Variants in SMYD3 observed in about 807,000 individuals in gnomAD.
SMYD3 encodes the protein SET and MYND domain containing 3.
Under a neutral mutation model 57.7 loss-of-function variants are expected in SMYD3, and 36 were observed. The ratio of observed to expected loss-of-function variants is 0.62; its 90% confidence interval spans 0.48 to 0.82. The LOEUF (loss-of-function observed/expected upper bound fraction) is 0.82, where lower values mean the gene tolerates loss of function less well. Ranked by LOEUF, SMYD3 falls within the 40% of genes least tolerant of loss-of-function variation. SMYD3 has a pLI of 0.00. For synonymous variants in SMYD3, 211 were observed against 195.0 expected, an observed-to-expected ratio of 1.08 and a Z score of -0.68; for missense variants, 515 against 538.8, an observed-to-expected ratio of 0.96 and a Z score of 0.44.
At chr1:246,010,150 A>AT (rs1451046819) in intron 5 of SMYD3, among the ~76,000 whole-genome samples, 1 of 151,252 alleles carries the variant, frequency 6.6e-6, no homozygotes, top group East Asian at 2.0e-4. Context: ...ATTTTAAAAC[A>AT]TAACAGTAGA....
chr1:245,785,644 C>A (rs76144515), intron 10 of SMYD3, among the ~76,000 whole-genome samples: 27 of 149,376 alleles, frequency 1.8e-4, no homozygotes, highest in Admixed American at 5.3e-4. Flanking sequence ...AGAGAGCGAG[C>A]GAGAGAGAGA....
At chr1:246,343,156 G>C (rs1364702367) in intron 2 of SMYD3, among the ~76,000 whole-genome samples, 1 of 152,160 alleles carries the variant, frequency 6.6e-6, no homozygotes, top group East Asian at 1.9e-4. Context: ...GCCAATGCTT[G>C]ATCTAATGAG....
chr1:246,230,284 AG>A (rs2148445777), intron 5 of SMYD3, among the ~76,000 whole-genome samples: 1 of 152,362 alleles, frequency 6.6e-6, no homozygotes, highest in South Asian at 2.1e-4. Context: ...TCACATGTAA[AG>A]AAACAAAGGC....
chr1:246,463,661 C>CAAAAAAAAAAA (rs35482116), intron 1 of SMYD3, among the ~76,000 whole-genome samples: 868 of 72,846 alleles, frequency 0.012, 1 homozygote, highest in East Asian at 0.019. Context: ...ACTAAAAATA[C>CAAAAAAAAAAA]AAAAAAAAAA....
intron 1 of SMYD3, among the ~76,000 whole-genome samples, chr1:246,450,882 A>G (rs1210649323): frequency 6.6e-6 from 1 of 152,258 alleles, no homozygotes; most frequent in Non-Finnish European, 1.5e-5. Flanking sequence ...GAAGTGAACT[A>G]TATTTATAAG....
chr1:245,962,096 G>C (rs2058025679), intron 5 of SMYD3, among the ~76,000 whole-genome samples: 1 of 152,126 alleles, frequency 6.6e-6, no homozygotes, highest in African/African-American at 2.4e-5. Flanking sequence ...ACGTGAGCCA[G>C]CAGCTGTATT....
At position 246,480,508 on chromosome 1, in the gene SMYD3, T is replaced by G. The variant is rs182895813; in HGVS notation, c.164+26546A>C. Among the ~76,000 whole-genome samples the G allele has an allele frequency of 2.4e-4, 36 of 152,324 alleles. No homozygotes were observed. The East Asian group carries it at 5.4e-3, about 23-fold the overall frequency. On this transcript the variant is annotated intron_variant, in intron 1 of 11. Coordinates refer to ENST00000490107, the MANE Select transcript of SMYD3 (RefSeq NM_001167740.2). Reference sequence around the variant, plus strand: ...ACTATATTAAAATGTTTCAAATACCTTAGAAGGTTAGATTAACAAACACCT... The same window carrying G: ...ACTATATTAAAATGTTTCAAATACCGTAGAAGGTTAGATTAACAAACACCT...
At chr1:245,827,188 C>T (rs951944271) in intron 10 of SMYD3, among the ~76,000 whole-genome samples, 1 of 152,152 alleles carries the variant, frequency 6.6e-6, no homozygotes, top group African/African-American at 2.4e-5. Context: ...ACGTTCAAGG[C>T]CACACTGCTT....
intron 5 of SMYD3, among the ~76,000 whole-genome samples, chr1:246,078,283 C>T (rs146588399): frequency 3.3e-5 from 5 of 152,132 alleles, no homozygotes; most frequent in Non-Finnish European, 7.4e-5. Context: ...CCCCGAGACA[C>T]GAAGCCAACA....
At chr1:246,398,792 C>G (rs2066717433) in intron 1 of SMYD3, among the ~76,000 whole-genome samples, 1 of 152,108 alleles carries the variant, frequency 6.6e-6, no homozygotes, top group Non-Finnish European at 1.5e-5. Flanking sequence ...CAGGTGAGAG[C>G]ATTCACAGAA....
intron 10 of SMYD3, among the ~76,000 whole-genome samples, chr1:245,796,603 T>G (rs1346971282): frequency 6.6e-6 from 1 of 152,206 alleles, no homozygotes; most frequent in African/African-American, 2.4e-5. Context: ...CTACAGACAC[T>G]GGAAATGTGA....
Position 246,355,613 on chromosome 1 carries a change from G to C in SMYD3, c.165-519C>G, listed in dbSNP as rs1037994756. The stretch of plus-strand genomic sequence containing the variant: ...GTGCTGCTGTGGGGGCACGGTGGGA[G>C]TGAGACCAGCCTTTAGGACTGCGGG... On this transcript the variant is annotated intron_variant, in intron 1 of 11. Coordinates refer to ENST00000490107, the MANE Select transcript of SMYD3 (RefSeq NM_001167740.2). This position sits in a 1 kb window ranked among gnomAD's most constrained non-coding sequence, Gnocchi z 5.0. 6.6e-6 allele frequency among the ~76,000 whole-genome samples: 1 copy of C among 152,176 alleles called. No individual in the cohort carries two copies. The highest frequency in any genetic ancestry group is 1.5e-5 in the Non-Finnish European group (1 of 68,038).
chr1:245,854,607 CTCT>C (rs1021060467), intron 10 of SMYD3, among the ~76,000 whole-genome samples: 1 of 152,118 alleles, frequency 6.6e-6, no homozygotes, highest in Non-Finnish European at 1.5e-5. Context: ...CTCTCTCTCT[CTCT>C]TTTTCCCGCA....
At chr1:246,285,829 GGATACGA>G (rs2064550020) in intron 5 of SMYD3, among the ~76,000 whole-genome samples, 1 of 152,016 alleles carries the variant, frequency 6.6e-6, no homozygotes, top group African/African-American at 2.4e-5. Flanking sequence ...AGTGGGCTAA[GGATACGA>G]ATAGACAATT....
At chr1:246,030,619 A>G (rs2059654431) in intron 5 of SMYD3, among the ~76,000 whole-genome samples, 3 of 152,202 alleles carry the variant, frequency 2.0e-5, no homozygotes. Flanking sequence ...CTCTGATTTG[A>G]TCATTACATA....
chr1:246,491,122 G>T (rs183160666), intron 1 of SMYD3, among the ~76,000 whole-genome samples: 1 of 152,236 alleles, frequency 6.6e-6, no homozygotes, highest in Non-Finnish European at 1.5e-5. Context: ...CAAAGTGAGA[G>T]TAAGTATGAC....
In SMYD3 at chr1:245,821,203, AGAT is replaced by A. The variant is rs2049137065; in HGVS notation, c.1076+37290_1076+37292del. ...GGTACTGGTACCAAAACAGAGATAT[AGAT>A]CAATGGAACAGAACAGAGTCCTCAG... is the stretch of plus-strand genomic sequence containing the variant. On this transcript the variant is annotated intron_variant, in intron 10 of 11. Coordinates refer to ENST00000490107, the MANE Select transcript of SMYD3 (RefSeq NM_001167740.2). 2.0e-5 allele frequency among the ~76,000 whole-genome samples: 3 copies of A among 150,426 alleles called. No individual in the cohort carries two copies. The South Asian group carries it at 6.6e-4, about 33-fold the overall frequency.
At chr1:245,767,578 T>C (rs904443205) in intron 10 of SMYD3, among the ~76,000 whole-genome samples, 2 of 152,010 alleles carry the variant, frequency 1.3e-5, no homozygotes, top group Non-Finnish European at 2.9e-5. Flanking sequence ...CCTGAGTGTG[T>C]TTCCACTGGA....
At chr1:246,172,091 C>T (rs113431965) in intron 5 of SMYD3, among the ~76,000 whole-genome samples, 5 of 152,212 alleles carry the variant, frequency 3.3e-5, no homozygotes, top group Non-Finnish European at 5.9e-5. Context: ...TGCAGGACTA[C>T]AAGTTGCTCT....
Sources: gnomAD v4.1 joint callset for allele counts (sites outside exome capture counted in the v4.1 genomes callset) on GRCh38, gnomAD v4.1.1 for gene constraint, Gnocchi (gnomAD v3.1) non-coding constraint, MANE v1.5 for transcripts, NCBI Gene and HGNC (gene_info 2026-07-23, HGNC 2026-07-21) for gene names.